SLC35F3: variants seen among roughly 807,000 people sequenced by gnomAD.
SLC35F3 encodes solute carrier family 35 member F3.
Under a neutral mutation model 49.9 loss-of-function variants are expected in SLC35F3, and 25 were observed. The ratio of observed to expected loss-of-function variants is 0.50; its 90% CI spans 0.37 to 0.70. The LOEUF is 0.70. Ranked by LOEUF, SLC35F3 falls within the 30% of genes least tolerant of loss-of-function variation. The pLI, the probability that SLC35F3 is intolerant of heterozygous loss-of-function variation, is 0.00. For synonymous variants in SLC35F3, 275 were observed against 265.4 expected (o/e 1.04, Z -0.35); for missense variants, 525 against 639.8 (o/e 0.82, Z 1.94).
chr1:233,938,044 C>T (rs752689533), intron 2 of SLC35F3, among the ~76,000 whole-genome samples: 11 of 152,218 alleles, frequency 7.2e-5, no homozygotes, highest in Non-Finnish European at 1.3e-4. Flanking sequence ...AGCCTTGAAT[C>T]AATGCCATTG....
chr1:234,319,732 C>CAAAAA (rs1475484696), intron 6 of SLC35F3, among the ~76,000 whole-genome samples: 1 of 151,510 alleles, frequency 6.6e-6, no homozygotes, highest in Non-Finnish European at 1.5e-5. Flanking sequence ...CAAAACAAAA[C>CAAAAA]AAAAAAACAA....
At chr1:234,167,663 C>A (rs115014729) in intron 2 of SLC35F3, among the ~76,000 whole-genome samples, 1 of 152,052 alleles carries the variant, frequency 6.6e-6, no homozygotes, top group Non-Finnish European at 1.5e-5. Context: ...ATAGAGCAGC[C>A]GTCACAAACG....
intron 2 of SLC35F3, among the ~76,000 whole-genome samples, chr1:233,905,968 C>T (rs1661769895): frequency 6.6e-6 from 1 of 152,182 alleles, no homozygotes; most frequent in African/African-American, 2.4e-5. Context: ...CTCTTACACC[C>T]CTTCCTCTCC....
intron 2 of SLC35F3, among the ~76,000 whole-genome samples, chr1:234,194,962 C>G (rs888323531): frequency 2.0e-5 from 3 of 152,168 alleles, no homozygotes; most frequent in Non-Finnish European, 4.4e-5. Context: ...ATTTTGGGAG[C>G]CACTCTTGAC....
At chr1:233,993,322 G>A (rs1663395691) in intron 2 of SLC35F3, among the ~76,000 whole-genome samples, 1 of 152,118 alleles carries the variant, frequency 6.6e-6, no homozygotes, top group Non-Finnish European at 1.5e-5. Flanking sequence ...TGCTGGGCTG[G>A]TGGTCCAGGG....
chr1:234,116,939 G>A (rs1442654864), intron 2 of SLC35F3, among the ~76,000 whole-genome samples: 1 of 152,142 alleles, frequency 6.6e-6, no homozygotes, highest in East Asian at 1.9e-4. Flanking sequence ...CCCCAGCCCT[G>A]GAATCAGCCA....
At chr1:234,111,916 A>G (rs1176255175) in intron 2 of SLC35F3, among the ~76,000 whole-genome samples, 2 of 152,228 alleles carry the variant, frequency 1.3e-5, no homozygotes, top group African/African-American at 4.8e-5. Context: ...TGTAGTCCCC[A>G]TCAGGATCCT....
At chr1:234,049,060 A>T (rs911314319) in intron 2 of SLC35F3, among the ~76,000 whole-genome samples, 5 of 152,220 alleles carry the variant, frequency 3.3e-5, no homozygotes, top group Non-Finnish European at 5.9e-5. Context: ...AATCATATTT[A>T]TATGAAACTT....
chr1:234,281,956 G>A (rs546852224), intron 3 of SLC35F3, among the ~76,000 whole-genome samples: 63 of 152,312 alleles, frequency 4.1e-4, no homozygotes, highest in African/African-American at 1.3e-3. Flanking sequence ...CGCAATGGCT[G>A]TGAGGCTGAG....
At chr1:234,094,872 T>TG (rs1665094935) in intron 2 of SLC35F3, among the ~76,000 whole-genome samples, 2 of 152,212 alleles carry the variant, frequency 1.3e-5, no homozygotes, top group African/African-American at 4.8e-5. Context: ...CTCTGTCTAG[T>TG]ACATGGGTAG....
chr1:234,304,895 A>T (rs1288162547), intron 3 of SLC35F3, among the ~76,000 whole-genome samples: 1 of 152,250 alleles, frequency 6.6e-6, no homozygotes, highest in Non-Finnish European at 1.5e-5. Context: ...GGAAAAAAGA[A>T]AATTAGAAGA....
intron 6 of SLC35F3, among the ~76,000 whole-genome samples, chr1:234,319,306 T>C (rs945338667): frequency 6.7e-6 from 1 of 150,356 alleles, no homozygotes; most frequent in African/African-American, 2.5e-5. Context: ...CTATAGATTA[T>C]CATTATTATT....
rs369896963 is a variant in SLC35F3, at chr1:233,905,568, G to A, written c.93G>A (p.Leu31=). 70 of 1,614,002 alleles carry A rather than the reference G, an allele frequency of 4.3e-5. No homozygotes were observed. The highest frequency in any genetic ancestry group is 5.8e-5 in the Non-Finnish European group (69 of 1,180,030). Residue 31 remains leucine, a synonymous_variant, in exon 2 of 8, where the codon CTG becomes CTA. Transcript: ENST00000366618. ...RRSPDVSPRR[L]SDISPQLRQL... ...CACCGGACGTCAGCCCCCGGAGACT[G>A]TCCGACATCAGCCCCCAGCTCCGGC... is the stretch of plus-strand genomic sequence containing the variant.
intron 2 of SLC35F3, among the ~76,000 whole-genome samples, chr1:233,927,290 T>C (rs1173252097): frequency 3.3e-5 from 5 of 152,200 alleles, no homozygotes; most frequent in Admixed American, 2.6e-4. Context: ...ATTGCTGGAT[T>C]GATCTCTGTA....
chr1:234,085,788 C>T (rs2102874772), intron 2 of SLC35F3, among the ~76,000 whole-genome samples: 1 of 152,182 alleles, frequency 6.6e-6, no homozygotes, highest in Non-Finnish European at 1.5e-5. Context: ...AAGAGTTTGT[C>T]TGTGTGTGAT....
At chr1:233,962,548 TAATAA>T (rs1450235382) in intron 2 of SLC35F3, among the ~76,000 whole-genome samples, 1 of 152,230 alleles carries the variant, frequency 6.6e-6, no homozygotes, top group Non-Finnish European at 1.5e-5. Flanking sequence ...GCAGAGTTCA[TAATAA>T]AATGAATCAA....
At chr1:233,937,031 A>G (rs1188673975) in intron 2 of SLC35F3, among the ~76,000 whole-genome samples, 1 of 152,182 alleles carries the variant, frequency 6.6e-6, no homozygotes, top group Non-Finnish European at 1.5e-5. Context: ...TGTGATAACA[A>G]GACTTGCCAG....
At chr1:234,118,269 G>A (rs989513435) in intron 2 of SLC35F3, among the ~76,000 whole-genome samples, 10 of 152,102 alleles carry the variant, frequency 6.6e-5, no homozygotes, top group Non-Finnish European at 1.3e-4. Flanking sequence ...TTGTTGTAAT[G>A]CACTTTTATC....
chr1:234,163,502 G>T (rs1666261682), intron 2 of SLC35F3, among the ~76,000 whole-genome samples: 1 of 152,178 alleles, frequency 6.6e-6, no homozygotes, highest in Admixed American at 6.5e-5. Flanking sequence ...GGTGACTCCA[G>T]CCCAGTGTGT....
Sources: gnomAD v4.1 joint callset for allele counts (sites outside exome capture counted in the v4.1 genomes callset) on GRCh38, gnomAD v4.1.1 for gene constraint, MANE v1.5 for transcripts, NCBI Gene and HGNC (gene_info 2026-07-23, HGNC 2026-07-21) for gene names.